AHR: variants seen among roughly 807,000 people sequenced by gnomAD.
AHR encodes the protein AH-receptor.
In AHR, 40 loss-of-function variants were observed where a neutral mutation model predicts 86.8. That is an observed-to-expected ratio of 0.46 (90% confidence interval 0.36 to 0.60). The LOEUF is 0.60. AHR is among the 20% of genes least tolerant of loss of function. AHR has a pLI of 0.00. For synonymous variants in AHR, 398 were observed against 354.9 expected, an observed-to-expected ratio of 1.12 and a Z score of -1.37; for missense variants, 1,001 against 1,011.6, an observed-to-expected ratio of 0.99 and a Z score of 0.14.
At chr7:17,325,912 T>C (rs1044282938) in intron 3 of AHR, among the ~76,000 whole-genome samples, 6 of 152,186 alleles carry the variant, frequency 3.9e-5, no homozygotes, top group East Asian at 1.9e-4. Flanking sequence ...AGTTTACCTA[T>C]GTAACAAACC....
At position 17,328,727 on chromosome 7, in the gene AHR, G is replaced by T. The variant is rs145354181; in HGVS notation, c.450+879G>T. On this transcript the variant is annotated intron_variant, in intron 4 of 10. Coordinates refer to ENST00000242057, the MANE Select transcript of AHR (RefSeq NM_001621.5). Reference sequence around the variant, plus strand: ...GAGCTTCAACTATATTATATACCCAGTGGAAACCACTGAAGGGTTTTGTTA... The same window carrying T: ...GAGCTTCAACTATATTATATACCCATTGGAAACCACTGAAGGGTTTTGTTA... 1.1e-4 allele frequency among the ~76,000 whole-genome samples: 17 copies of T among 151,970 alleles called. No homozygotes were observed. In the East Asian group the frequency reaches 3.3e-3, roughly 29 times the overall value.
intron 6 of AHR, among the ~76,000 whole-genome samples, 183 bp downstream of exon 6, chr7:17,331,069 G>A: frequency 6.6e-6 from 1 of 151,894 alleles, no homozygotes; most frequent in East Asian, 1.9e-4. Flanking sequence ...AACAGAAAAT[G>A]CAAGTGAGGT....
intron 2 of AHR, 120 bp downstream of exon 2, chr7:17,310,243 T>C: frequency 6.1e-6 from 6 of 984,730 alleles, no homozygotes; most frequent in Admixed American, 2.9e-5. Flanking sequence ...TATTGCTGTA[T>C]AGTAAAATTT....
intron 2 of AHR, among the ~76,000 whole-genome samples, chr7:17,316,357 G>A (rs1350887817): frequency 6.6e-6 from 1 of 152,188 alleles, no homozygotes; most frequent in Non-Finnish European, 1.5e-5. Flanking sequence ...TGTGGCTCAT[G>A]CCTGTAATCC....
intron 2 of AHR, among the ~76,000 whole-genome samples, chr7:17,320,544 G>C (rs1304793031): frequency 6.6e-6 from 1 of 151,974 alleles, no homozygotes; most frequent in Non-Finnish European, 1.5e-5. Flanking sequence ...ATAATGTAAG[G>C]GTTTGGCTTT....
At chr7:17,310,151 C>T (rs1364373559) in intron 2 of AHR, 28 bp downstream of exon 2, 3 of 1,570,586 alleles carry the variant, frequency 1.9e-6, no homozygotes, top group Non-Finnish European at 2.6e-6. Flanking sequence ...AATTTGTCTA[C>T]AATAACGTAT....
intron 7 of AHR, 107 bp downstream of exon 7, chr7:17,334,221 A>G: frequency 1.0e-6 from 1 of 952,880 alleles, no homozygotes; most frequent in Non-Finnish European, 1.6e-6. Context: ...TTATTATTAG[A>G]TTGGCTATTA....
At chr7:17,331,443 T>C (rs1178856373) in intron 6 of AHR, among the ~76,000 whole-genome samples, 1 of 151,958 alleles carries the variant, frequency 6.6e-6, no homozygotes, top group African/African-American at 2.4e-5. Context: ...CAGAAAACTG[T>C]TCTTTAGGAT....
chr7:17,309,651 A>G (rs1782042190), intron 1 of AHR, among the ~76,000 whole-genome samples: 1 of 152,208 alleles, frequency 6.6e-6, no homozygotes, highest in African/African-American at 2.4e-5. Context: ...ATCCCAGTAG[A>G]TCTGTTAATT....
At position 17,339,929 on chromosome 7, in the gene AHR, T is replaced by C. The variant is rs1254347234; in HGVS notation, c.2104T>C (p.Ser702Pro). 1 of 1,614,078 alleles carries C rather than the reference T, an allele frequency of 6.2e-7. No individual in the cohort carries two copies. Among genetic ancestry groups the C allele is most frequent in the Non-Finnish European group, 8.5e-7 (1 of 1,180,032 alleles). ...DSMPYTQNFI[S>P]CNQPVLPQHS... ...TATGCCTTATACACAGAACTTTATT[T>C]CCTGTAATCAGCCTGTATTACCACA... is the stretch of plus-strand genomic sequence containing the variant. Residue 702 changes from serine (S) to proline (P), a missense_variant, in exon 10 of 11, where the codon TCC (serine) becomes CCC (proline). By Grantham distance (74) the Ser-to-Pro change is moderately conservative (BLOSUM62 -1). Coordinates refer to ENST00000242057, the MANE Select transcript of AHR (RefSeq NM_001621.5).
At chr7:17,305,070 G>A (rs1781992025) in intron 1 of AHR, among the ~76,000 whole-genome samples, 1 of 151,994 alleles carries the variant, frequency 6.6e-6, no homozygotes, top group Non-Finnish European at 1.5e-5. Context: ...TCTCTCCTCA[G>A]GTATAGCAAA....
At chr7:17,323,629 T>C (rs1188981185) in intron 3 of AHR, among the ~76,000 whole-genome samples, 1 of 152,164 alleles carries the variant, frequency 6.6e-6, no homozygotes, top group Non-Finnish European at 1.5e-5. Flanking sequence ...TTCACCATTG[T>C]TACAAAAAGT....
chr7:17,339,433 C>G lies in AHR; in HGVS notation c.1608C>G (p.Asn536Lys). Residue 536 changes from asparagine to lysine, a missense_variant, in exon 10 of 11, where the codon AAC becomes AAG. Asn to Lys is a moderately conservative substitution (Grantham distance 94). This residue lies in a region of AHR where 607 missense variants were observed against 543.1 expected (regional missense o/e 1.12). Transcript: ENST00000242057. ...GHPGLFQDSKNSDLYSIMKNL... is the reference protein window; with the variant it reads ...GHPGLFQDSKKSDLYSIMKNL... Reference sequence around the variant, plus strand: ...CAGGGCTCTTTCAAGATAGTAAAAACAGTGACTTGTACAGCATAATGAAAA... The same window carrying G: ...CAGGGCTCTTTCAAGATAGTAAAAAGAGTGACTTGTACAGCATAATGAAAA... 4 of 1,614,170 alleles carry G rather than the reference C, an allele frequency of 2.5e-6. No individual in the cohort carries two copies. Among genetic ancestry groups the G allele is most frequent in the Non-Finnish European group, 2.5e-6 (3 of 1,180,032 alleles).
chr7:17,333,054 T>C (rs948488778), intron 6 of AHR, among the ~76,000 whole-genome samples: 1 of 152,028 alleles, frequency 6.6e-6, no homozygotes, highest in Non-Finnish European at 1.5e-5. Flanking sequence ...GATAGCATGC[T>C]GTACAGGTTT....
At chr7:17,321,594 T>TACACACACAG (rs1782173388) in intron 2 of AHR, among the ~76,000 whole-genome samples, 1 of 147,636 alleles carries the variant, frequency 6.8e-6, no homozygotes, top group South Asian at 2.1e-4. Flanking sequence ...ACCACACACA[T>TACACACACAG]ACACACACAC....
rs745912567 is a variant in AHR, at chr7:17,309,940, A to C, written c.70A>C (p.Lys24Gln). ...GGTATTTTGTTTGTTTTTCAGAGTA[A>C]AGCCAATCCCAGCTGAAGGAATCAA... ...KRRKPVQKTV[K>Q]PIPAEGIKSN... Residue 24 changes from lysine (K) to glutamine (Q), a missense_variant, in exon 2 of 11, where the codon AAG (lysine) becomes CAG (glutamine). Transcript: ENST00000242057. 6.4e-7 allele frequency: 1 copy of C among 1,569,486 alleles called. No homozygotes were observed.
At chr7:17,334,477 C>T (rs1476892900) in intron 7 of AHR, among the ~76,000 whole-genome samples, 2 of 151,956 alleles carry the variant, frequency 1.3e-5, no homozygotes, top group Non-Finnish European at 2.9e-5. Flanking sequence ...TGATATTAAA[C>T]ATTTATATCA....
At chr7:17,330,979 A>T in intron 6 of AHR, 93 bp downstream of exon 6, 1 of 1,365,150 alleles carries the variant, frequency 7.3e-7, no homozygotes. Context: ...TTCAGCAGAG[A>T]ACTATTCCCA....
At chr7:17,329,283 GGTAA>G (rs1463202143) in intron 4 of AHR, among the ~76,000 whole-genome samples, 3 of 151,960 alleles carry the variant, frequency 2.0e-5, no homozygotes, top group Non-Finnish European at 4.4e-5. Context: ...ATGTAATAAT[GGTAA>G]GTGTTTTGTG....
Sources: allele counts gnomAD v4.1 joint callset (sites outside exome capture counted in the v4.1 genomes callset), GRCh38; gene constraint gnomAD v4.1.1; regional missense constraint gnomAD v4.1.1; transcripts MANE v1.5; gene names NCBI Gene and HGNC (gene_info 2026-07-23, HGNC 2026-07-21).